ALMS1: variants seen among roughly 807,000 people sequenced by gnomAD.
The protein encoded by ALMS1 is centrosome-associated protein ALMS1.
In ALMS1, 271 loss-of-function variants were observed where a neutral mutation model predicts 352.2. The ratio of observed to expected loss-of-function variants is 0.77; its 90% confidence interval spans 0.70 to 0.85. The LOEUF is 0.85. Among genes scored for constraint, ALMS1 ranks in the 40% least tolerant of loss-of-function variants. ALMS1 has a pLI of 0.00. For missense variants in ALMS1, 5,445 were observed against 4,870.7 expected (o/e 1.12, Z -3.51); for synonymous variants, 1,865 against 1,761.2 (o/e 1.06, Z -1.48).
intron 9 of ALMS1, among the ~76,000 whole-genome samples, chr2:73,460,515 C>T (rs573723705): frequency 5.3e-5 from 8 of 152,306 alleles, no homozygotes; most frequent in Admixed American, 2.6e-4. Context: ...GTGTGAGCAA[C>T]GCAGAAGACT....
rs111990911 is a variant in ALMS1 at position 73,548,534 on chromosome 2, G to C, written c.9908-1733G>C. ...GAAAGGGTCATCTCTCTTGGAGAACGAGGGGTGGTGGTGCAGACTGTGCGT... is the reference window on the plus strand; with the variant it reads ...GAAAGGGTCATCTCTCTTGGAGAACCAGGGGTGGTGGTGCAGACTGTGCGT... On this transcript the variant is annotated intron_variant, in intron 12 of 22. Transcript: ENST00000613296. Among the ~76,000 whole-genome samples, 914 of 152,312 alleles carry C rather than the reference G, an allele frequency of 6.0e-3. 6 individuals are homozygous for C. The highest frequency in any genetic ancestry group is 0.01 in the Middle Eastern group (3 of 294).
chr2:73,585,583 A>T (rs1675293584), intron 16 of ALMS1, among the ~76,000 whole-genome samples: 2 of 150,650 alleles, frequency 1.3e-5, no homozygotes. Context: ...TTTAGTAGAG[A>T]TGGGGTTTCA....
intron 9 of ALMS1, chr2:73,471,032 T>C (rs1672455272): frequency 6.6e-6 from 1 of 151,848 alleles, no homozygotes; most frequent in African/African-American, 2.4e-5. Context: ...TAGATCTTAT[T>C]TTTAAAATTA....
chr2:73,497,051 C>T (rs1256096298), intron 10 of ALMS1, among the ~76,000 whole-genome samples: 1 of 152,004 alleles, frequency 6.6e-6, no homozygotes, highest in African/African-American at 2.4e-5. Context: ...AAGGTGTTTC[C>T]TTTTGATCAA....
intron 12 of ALMS1, among the ~76,000 whole-genome samples, chr2:73,541,471 G>A (rs551309737): frequency 1.3e-5 from 2 of 152,270 alleles, no homozygotes; most frequent in Admixed American, 6.5e-5. Flanking sequence ...AACTAGAGAA[G>A]CAAGAGCAAA....
intron 10 of ALMS1, among the ~76,000 whole-genome samples, chr2:73,509,627 T>G (rs1361183597): frequency 1.3e-5 from 2 of 152,236 alleles, no homozygotes; most frequent in Non-Finnish European, 2.9e-5. Flanking sequence ...CCAAGAGATC[T>G]GCTGTTAGTC....
At chr2:73,556,738 T>C (rs552325826) in intron 13 of ALMS1, among the ~76,000 whole-genome samples, 4 of 152,036 alleles carry the variant, frequency 2.6e-5, no homozygotes, top group African/African-American at 9.7e-5. Context: ...AGAGTCTCAC[T>C]GTCGCCCCGG....
rs757262099 is a variant in ALMS1, at chr2:73,386,018, G to T, written c.150G>T (p.Ala50=). 4 of 1,554,168 alleles carry T rather than the reference G, an allele frequency of 2.6e-6. No homozygotes were observed. The highest frequency in any genetic ancestry group is 2.6e-6 in the Non-Finnish European group (3 of 1,148,600). The change falls in exon 1 of 23, where the codon GCG becomes GCT. Residue 50 remains alanine (A), a synonymous_variant. Coordinates refer to ENST00000613296, the MANE Select transcript of ALMS1 (RefSeq NM_001378454.1). ...VVVVEEVEEE[A]GRELDSDSHY... Reference sequence around the variant, plus strand: ...TCGTGGAGGAGGTGGAGGAAGAGGCGGGGCGGGAGTTGGACTCCGACTCTC... The same window carrying T: ...TCGTGGAGGAGGTGGAGGAAGAGGCTGGGCGGGAGTTGGACTCCGACTCTC...
intron 16 of ALMS1, among the ~76,000 whole-genome samples, chr2:73,584,781 G>C (rs9749859): frequency 0.38 from 56,963 of 150,950 alleles, 14,815 homozygotes; most frequent in African/African-American, 0.74. Flanking sequence ...TCCTCACCCC[G>C]CTCCCACCCT....
At chr2:73,464,844 C>T (rs1218483407) in intron 9 of ALMS1, among the ~76,000 whole-genome samples, 1 of 152,088 alleles carries the variant, frequency 6.6e-6, no homozygotes, top group Non-Finnish European at 1.5e-5. Flanking sequence ...CTCCCATTCA[C>T]AGTTGCTTCA....
At position 73,449,845 on chromosome 2, in the gene ALMS1, C is replaced by T. The variant is rs1044966122; in HGVS notation, c.3318C>T (p.Phe1106=). The change falls in exon 8 of 23, where the codon TTC becomes TTT. Residue 1106 remains phenylalanine, a synonymous_variant. Coordinates refer to ENST00000613296, the MANE Select transcript of ALMS1 (RefSeq NM_001378454.1). ...CACAAAGAGAGAAGCCTGGTATTTT[C>T]TACCAACAGACCTTGCCAGAGAGTC... The part of the protein sequence containing the change: ...FYSQREKPGI[F]YQQTLPESHL... 2 of 1,614,084 alleles carry T rather than the reference C, an allele frequency of 1.2e-6. No homozygotes were observed. Among genetic ancestry groups the T allele is most frequent in the Non-Finnish European group, 1.7e-6 (2 of 1,179,980 alleles).
chr2:73,423,646 A>G (rs892781382), intron 4 of ALMS1, among the ~76,000 whole-genome samples: 3 of 151,994 alleles, frequency 2.0e-5, no homozygotes, highest in Non-Finnish European at 4.4e-5. Flanking sequence ...CTTATACTAT[A>G]TATTTACCTG....
intron 8 of ALMS1, 23 bp from the exon 9 acceptor site, chr2:73,455,139 T>G: frequency 6.2e-7 from 1 of 1,612,314 alleles, no homozygotes; most frequent in Non-Finnish European, 8.5e-7. Flanking sequence ...TTGTATTATC[T>G]CAAGTGTATG....
At chr2:73,439,792 G>GA (rs1671679716) in intron 7 of ALMS1, among the ~76,000 whole-genome samples, 1 of 151,970 alleles carries the variant, frequency 6.6e-6, no homozygotes, top group South Asian at 2.1e-4. Flanking sequence ...ACCCGCCTTG[G>GA]CCTCCCAAAG....
chr2:73,440,181 C>T (rs771736293), intron 7 of ALMS1, among the ~76,000 whole-genome samples: 6 of 151,868 alleles, frequency 4.0e-5, no homozygotes, highest in Non-Finnish European at 5.9e-5. Flanking sequence ...CGGGGTTTCA[C>T]CATGTTGGCC....
chr2:73,387,908 G>C (rs957654779), intron 1 of ALMS1, among the ~76,000 whole-genome samples: 1 of 152,184 alleles, frequency 6.6e-6, no homozygotes, highest in Non-Finnish European at 1.5e-5. Context: ...AGATATTTAA[G>C]AGGCAAAATC....
intron 9 of ALMS1, among the ~76,000 whole-genome samples, chr2:73,485,772 C>T (rs1449572008): frequency 2.6e-5 from 4 of 152,166 alleles, no homozygotes; most frequent in Non-Finnish European, 4.4e-5. Flanking sequence ...GGTATAATCT[C>T]GTGGTGCGCC....
intron 2 of ALMS1, among the ~76,000 whole-genome samples, chr2:73,414,097 A>G (rs780642857): frequency 1.3e-5 from 2 of 152,200 alleles, no homozygotes; most frequent in Non-Finnish European, 2.9e-5. Context: ...CATTGAGTCT[A>G]TAAATCAATT....
Position 73,572,362 on chromosome 2 carries a change from T to A in ALMS1, c.10485T>A (p.Asp3495Glu). The change falls in exon 16 of 23, where the codon GAT (aspartate) becomes GAA (glutamate). Residue 3495 changes from aspartate (D) to glutamate (E), a missense_variant. Transcript: ENST00000613296. ...HHPVHLPSDQ[D>E]ICHESLGKSV... The stretch of plus-strand genomic sequence containing the variant: ...CCGTACACCTACCAAGTGATCAAGA[T>A]ATTTGCCATGAATCTTTGGGAAAGA... The A allele has an allele frequency of 6.2e-7, 1 of 1,609,408 alleles. No homozygotes were observed.
Sources: gnomAD v4.1 joint callset for allele counts (sites outside exome capture counted in the v4.1 genomes callset) on GRCh38, gnomAD v4.1.1 for gene constraint, MANE v1.5 for transcripts, NCBI Gene and HGNC (gene_info 2026-07-23, HGNC 2026-07-21) for gene names.